NPY2R: variants seen among roughly 807,000 people sequenced by gnomAD.
The protein encoded by NPY2R is neuropeptide Y receptor Y2.
A neutral mutation model predicts 22.3 loss-of-function variants in NPY2R; 17 were observed. The ratio of observed to expected loss-of-function variants is 0.76; its 90% confidence interval spans 0.52 to 1.14. The LOEUF (loss-of-function observed/expected upper bound fraction) is 1.14, where lower values mean the gene tolerates loss of function less well. NPY2R is among the 50% of genes most tolerant of loss of function. The pLI is 0.00. For missense variants in NPY2R, 424 were observed against 467.9 expected (o/e 0.91, Z 0.87); for synonymous variants, 209 against 183.4 (o/e 1.14, Z -1.13).
At chr4:155,196,220 G>T in the NPY2R span, among the ~76,000 whole-genome samples, 1 of 151,278 alleles carries the variant, frequency 6.6e-6, no homozygotes, top group Non-Finnish European at 1.5e-5. Context: ...CACTTTTTCT[G>T]CTTCTTCTTT....
the NPY2R span, among the ~76,000 whole-genome samples, chr4:155,199,802 A>G: frequency 6.6e-6 from 1 of 152,196 alleles, no homozygotes; most frequent in African/African-American, 2.4e-5. Flanking sequence ...CTGGCTAGCC[A>G]TATGCAGAAA....
the NPY2R span, among the ~76,000 whole-genome samples, chr4:155,184,667 A>G: frequency 2.6e-5 from 4 of 152,256 alleles, no homozygotes; most frequent in South Asian, 6.2e-4. Context: ...TATACCAAGT[A>G]CAGTCATTAT....
At chr4:155,197,861 A>T in the NPY2R span, among the ~76,000 whole-genome samples, 1 of 151,986 alleles carries the variant, frequency 6.6e-6, no homozygotes, top group Admixed American at 6.6e-5. Flanking sequence ...ATAAATTGAA[A>T]AAATTGTATT....
chr4:155,197,569 G>A, the NPY2R span, among the ~76,000 whole-genome samples: 4 of 151,880 alleles, frequency 2.6e-5, no homozygotes, highest in African/African-American at 4.8e-5. Flanking sequence ...AAATACTGAC[G>A]TATGCATGCC....
the NPY2R span, among the ~76,000 whole-genome samples, chr4:155,183,083 A>G: frequency 2.4e-4 from 36 of 152,234 alleles, no homozygotes; most frequent in African/African-American, 8.7e-4. Context: ...ATGAGCCACC[A>G]TGCCCAGCCG....
At chr4:155,209,259 C>T (rs893623683) in intron 1 of NPY2R, among the ~76,000 whole-genome samples, 190 bp downstream of exon 1, 2 of 152,098 alleles carry the variant, frequency 1.3e-5, no homozygotes, top group Non-Finnish European at 2.9e-5. Context: ...CTAGATTTTC[C>T]CTTTTCTGTT....
upstream of NPY2R, among the ~76,000 whole-genome samples, chr4:155,203,853 T>C (rs1729234533): frequency 6.6e-6 from 1 of 152,230 alleles, no homozygotes; most frequent in Non-Finnish European, 1.5e-5. Context: ...AGTTTGATTA[T>C]TAATATTTCC....
the NPY2R span, among the ~76,000 whole-genome samples, chr4:155,190,520 T>C: frequency 6.6e-6 from 1 of 151,942 alleles, no homozygotes; most frequent in Non-Finnish European, 1.5e-5. Flanking sequence ...AAGGGACAGA[T>C]AGAGTAAAAT....
At chr4:155,212,625 A>G (rs1272534850) in intron 1 of NPY2R, among the ~76,000 whole-genome samples, 1 of 152,222 alleles carries the variant, frequency 6.6e-6, no homozygotes. Context: ...AGGTGAATGA[A>G]TTAATTAATA....
chr4:155,211,710 G>C (rs1729408737), intron 1 of NPY2R, among the ~76,000 whole-genome samples: 2 of 152,314 alleles, frequency 1.3e-5, no homozygotes, highest in African/African-American at 4.8e-5. Flanking sequence ...AGTGATGGAA[G>C]CCAAACAATG....
the NPY2R span, among the ~76,000 whole-genome samples, chr4:155,187,568 G>A: frequency 1.3e-5 from 2 of 152,106 alleles, no homozygotes; most frequent in South Asian, 4.1e-4. Context: ...GAGAGAGAGA[G>A]AGTCTTGCCC....
At chr4:155,213,284 T>C (rs1729442386) in intron 1 of NPY2R, among the ~76,000 whole-genome samples, 1 of 152,184 alleles carries the variant, frequency 6.6e-6, no homozygotes, top group Non-Finnish European at 1.5e-5. Context: ...CTATTGAAAT[T>C]AAATTTTAAA....
At chr4:155,203,028 T>C in the NPY2R span, among the ~76,000 whole-genome samples, 1 of 152,272 alleles carries the variant, frequency 6.6e-6, no homozygotes, top group East Asian at 1.9e-4. Context: ...TAAATACCCT[T>C]TTAGATTTGG....
chr4:155,179,528 A>T, the NPY2R span, among the ~76,000 whole-genome samples: 416 of 152,186 alleles, frequency 2.7e-3, 2 homozygotes, highest in African/African-American at 9.4e-3. Context: ...GCAATTTAGG[A>T]TCTTCACTGA....
chr4:155,186,232 T>A, the NPY2R span, among the ~76,000 whole-genome samples: 86 of 152,334 alleles, frequency 5.6e-4, no homozygotes, highest in Admixed American at 3.3e-4. Flanking sequence ...TGATTCTGCC[T>A]ATATAAAACA....
intron 1 of NPY2R, among the ~76,000 whole-genome samples, chr4:155,211,064 G>C (rs10461238): frequency 0.52 from 78,504 of 151,988 alleles, 21,520 homozygotes; most frequent in East Asian, 0.76. Context: ...ACCCTACATA[G>C]GCAGTTGTCT....
upstream of NPY2R, among the ~76,000 whole-genome samples, chr4:155,203,886 T>C (rs1214225269): frequency 6.6e-6 from 1 of 152,186 alleles, no homozygotes; most frequent in Non-Finnish European, 1.5e-5. Flanking sequence ...CATTAGTCTT[T>C]GTTTGTTTAA....
upstream of NPY2R, among the ~76,000 whole-genome samples, chr4:155,204,932 C>G (rs186410497): frequency 6.6e-6 from 1 of 152,018 alleles, no homozygotes; most frequent in African/African-American, 2.4e-5. Context: ...CTTGCATATT[C>G]ATGTCTGGCA....
the NPY2R span, among the ~76,000 whole-genome samples, chr4:155,186,918 T>A: frequency 2.0e-5 from 3 of 152,166 alleles, no homozygotes; most frequent in South Asian, 2.1e-4. Flanking sequence ...AAAGAAAAAA[T>A]TTCCTTAAAA....
Sources: gnomAD v4.1 joint callset for allele counts (sites outside exome capture counted in the v4.1 genomes callset) on GRCh38, gnomAD v4.1.1 for gene constraint, MANE v1.5 for transcripts, NCBI Gene and HGNC (gene_info 2026-07-23, HGNC 2026-07-21) for gene names.